PREX2: variants seen among roughly 807,000 people sequenced by gnomAD.
PREX2 encodes the protein phosphatidylinositol-3,4,5-trisphosphate dependent Rac exchange factor 2.
In PREX2, 107 loss-of-function variants were observed where a neutral mutation model predicts 203.2. The ratio of observed to expected loss-of-function variants is 0.53; its 90% CI spans 0.45 to 0.62. PREX2 has a LOEUF of 0.62. PREX2 is among the 20% of genes least tolerant of loss of function. The pLI is 0.00. For missense variants in PREX2, 1,777 were observed against 1,955.9 expected (o/e 0.91, Z 1.72); for synonymous variants, 672 against 663.6 (o/e 1.01, Z -0.19).
chr8:68,031,273 A>G (rs1563509233), intron 6 of PREX2, among the ~76,000 whole-genome samples: 1 of 152,304 alleles, frequency 6.6e-6, no homozygotes, highest in Non-Finnish European at 1.5e-5. Context: ...TTGGAGTCCT[A>G]TGTTACTTTA....
intron 1 of PREX2, among the ~76,000 whole-genome samples, chr8:67,970,016 AT>A (rs2129018857): frequency 6.6e-6 from 1 of 152,104 alleles, no homozygotes; most frequent in African/African-American, 2.4e-5. Context: ...TACCTTCCAT[AT>A]TTTTTCCTCT....
chr8:68,014,213 T>C (rs1213803690), intron 1 of PREX2, among the ~76,000 whole-genome samples: 3 of 152,212 alleles, frequency 2.0e-5, no homozygotes, highest in African/African-American at 4.8e-5. Context: ...GATAGCAAAT[T>C]TGTGACATTT....
chr8:68,148,335 A>G (rs1169190127), intron 34 of PREX2, among the ~76,000 whole-genome samples: 4 of 152,192 alleles, frequency 2.6e-5, no homozygotes, highest in African/African-American at 9.6e-5. Context: ...GTTAACTTTT[A>G]CAGGGTTTAG....
chr8:67,969,474 G>T (rs1736543809), intron 1 of PREX2, among the ~76,000 whole-genome samples: 1 of 151,984 alleles, frequency 6.6e-6, no homozygotes, highest in Non-Finnish European at 1.5e-5. Flanking sequence ...TGACTCTGAG[G>T]GATGGACCAT....
At chr8:68,043,502 G>A (rs1808257909) in intron 7 of PREX2, among the ~76,000 whole-genome samples, 1 of 152,040 alleles carries the variant, frequency 6.6e-6, no homozygotes, top group South Asian at 2.1e-4. Context: ...AGGAAGAGGG[G>A]GCGTTGCAGT....
intron 38 of PREX2, among the ~76,000 whole-genome samples, chr8:68,224,342 C>T (rs1204876602): frequency 6.6e-6 from 1 of 152,098 alleles, no homozygotes; most frequent in Non-Finnish European, 1.5e-5. Context: ...AAGTATTGAT[C>T]GCTTCTAGGA....
At chr8:68,186,375 G>A (rs1812188028) in intron 35 of PREX2, among the ~76,000 whole-genome samples, 1 of 152,134 alleles carries the variant, frequency 6.6e-6, no homozygotes, top group East Asian at 1.9e-4. Flanking sequence ...GTCTGGATGA[G>A]CCAATATATC....
chr8:68,122,605 G>C (rs1231305653), intron 30 of PREX2, among the ~76,000 whole-genome samples: 1 of 151,914 alleles, frequency 6.6e-6, no homozygotes, highest in African/African-American at 2.4e-5. Flanking sequence ...TTTTATATTT[G>C]TTTTAAGGTA....
chr8:68,217,864 C>A (rs946565754), intron 38 of PREX2, 146 bp downstream of exon 38: 2 of 493,580 alleles, frequency 4.1e-6, no homozygotes, highest in Non-Finnish European at 6.4e-6. Context: ...GAGAAATGCT[C>A]CCAGGGAGAA....
chr8:68,191,142 G>T (rs1032897684), intron 35 of PREX2, among the ~76,000 whole-genome samples: 4 of 152,030 alleles, frequency 2.6e-5, no homozygotes, highest in Non-Finnish European at 4.4e-5. Context: ...ATTGTATCCT[G>T]GTAATAAAAA....
At chr8:68,096,364 G>A (rs891507245) in intron 21 of PREX2, among the ~76,000 whole-genome samples, 3 of 152,052 alleles carry the variant, frequency 2.0e-5, no homozygotes, top group Admixed American at 6.5e-5. Context: ...TTCTAGTTTT[G>A]TTTATTTAAT....
chr8:67,963,357 T>A (rs1805683878), intron 1 of PREX2, among the ~76,000 whole-genome samples: 1 of 152,170 alleles, frequency 6.6e-6, no homozygotes, highest in Non-Finnish European at 1.5e-5. Flanking sequence ...TATTTCTTAT[T>A]AAGACCATGT....
chr8:68,033,903 T>G (rs1023128499), intron 6 of PREX2, among the ~76,000 whole-genome samples: 2 of 152,142 alleles, frequency 1.3e-5, no homozygotes, highest in African/African-American at 4.8e-5. Flanking sequence ...TGAAGGCTAT[T>G]TAACCTACAC....
intron 11 of PREX2, among the ~76,000 whole-genome samples, chr8:68,067,100 A>G (rs145289921): frequency 2.9e-3 from 442 of 152,172 alleles, no homozygotes; most frequent in African/African-American, 8.4e-3. Context: ...TATGTCCAGT[A>G]CCATGCTGTT....
At chr8:68,176,322 A>T (rs1206152151) in intron 35 of PREX2, among the ~76,000 whole-genome samples, 4 of 152,240 alleles carry the variant, frequency 2.6e-5, no homozygotes, top group African/African-American at 9.6e-5. Flanking sequence ...TATGCTTAAT[A>T]GACCAAATGA....
intron 31 of PREX2, among the ~76,000 whole-genome samples, chr8:68,128,370 T>A (rs186832265): frequency 0.044 from 6,629 of 152,218 alleles, 418 homozygotes; most frequent in African/African-American, 0.14. Flanking sequence ...TTGTTGTGTT[T>A]AAAAAAATTC....
Position 68,207,280 on chromosome 8 carries a change from A to G in PREX2, c.4605-10336A>G, listed in dbSNP as rs187026779. Among the ~76,000 whole-genome samples the G allele has an allele frequency of 4.1e-4, 63 of 152,346 alleles. 1 individual carries two copies. The East Asian group carries it at 0.012, about 28-fold the overall frequency. On this transcript the variant is annotated intron_variant, in intron 37 of 39. Transcript: ENST00000288368. ...AAGAATCATATCCCATTTAGAAGCC[A>G]TAAGAGAATCTGTGATTTCTTTTTG...
intron 33 of PREX2, among the ~76,000 whole-genome samples, chr8:68,140,347 G>T (rs1186663055): frequency 6.6e-6 from 1 of 152,162 alleles, no homozygotes; most frequent in African/African-American, 2.4e-5. Context: ...TTCCAATGCT[G>T]CACTATTGAA....
At chr8:68,000,606 T>G (rs1041946211) in intron 1 of PREX2, among the ~76,000 whole-genome samples, 1 of 152,174 alleles carries the variant, frequency 6.6e-6, no homozygotes, top group Admixed American at 6.5e-5. Flanking sequence ...ATTTTAAAAT[T>G]TACGTGGAAC....
Sources: allele counts gnomAD v4.1 joint callset (sites outside exome capture counted in the v4.1 genomes callset), GRCh38; gene constraint gnomAD v4.1.1; transcripts MANE v1.5; gene names NCBI Gene and HGNC (gene_info 2026-07-23, HGNC 2026-07-21).